Variants in LRRC2 observed in about 807,000 individuals in gnomAD.
The protein encoded by LRRC2 is leucine-rich repeat-containing protein 2.
In LRRC2, 27 loss-of-function variants were observed where a neutral mutation model predicts 40.2. The ratio of observed to expected loss-of-function variants is 0.67; its 90% confidence interval spans 0.49 to 0.93. The LOEUF (loss-of-function observed/expected upper bound fraction) is 0.93, where lower values mean the gene tolerates loss of function less well. LRRC2 is among the 40% of genes least tolerant of loss of function. The pLI, the probability that LRRC2 is intolerant of heterozygous loss-of-function variation, is 0.00. For synonymous variants in LRRC2, 147 were observed against 158.9 expected (o/e 0.92, Z 0.56); for missense variants, 402 against 439.6 (o/e 0.91, Z 0.76).
At chr3:46,557,065 C>T (rs1183587162) in intron 1 of LRRC2, among the ~76,000 whole-genome samples, 2 of 152,150 alleles carry the variant, frequency 1.3e-5, no homozygotes, top group African/African-American at 4.8e-5. Flanking sequence ...GGCCTCTGAG[C>T]CCAAGCCAAG....
In LRRC2 at chr3:46,545,159, G is replaced by C. The variant is rs201502772; in HGVS notation, c.220C>G (p.Arg74Gly). 1.2e-6 allele frequency: 2 copies of C among 1,614,094 alleles called. No homozygotes were observed. Among genetic ancestry groups the C allele is most frequent in the South Asian group, 2.2e-5 (2 of 91,082 alleles). ...TTCCTTTCAATCTTGTCCAGAAGCC[G>C]CACGCTGGTGTCTATGAAGCCATTC... The part of the protein sequence containing the change: ...CKNGFIDTSV[R>G]LLDKIERNTL... Residue 74 changes from arginine to glycine, a missense_variant, in exon 3 of 9, where the codon CGG becomes GGG. Transcript: ENST00000395905.
intron 7 of LRRC2, among the ~76,000 whole-genome samples, chr3:46,524,824 A>G (rs1704027580): frequency 6.6e-6 from 1 of 152,128 alleles, no homozygotes; most frequent in South Asian, 2.1e-4. Flanking sequence ...GATATTAACT[A>G]TATATGGCAT....
chr3:46,555,115 C>A (rs763984957), intron 1 of LRRC2, among the ~76,000 whole-genome samples: 3 of 152,032 alleles, frequency 2.0e-5, no homozygotes, highest in Non-Finnish European at 4.4e-5. Flanking sequence ...CGTTAAGTTG[C>A]AATAGTACTT....
intron 1 of LRRC2, among the ~76,000 whole-genome samples, chr3:46,557,208 G>A (rs558712908): frequency 1.3e-3 from 205 of 152,150 alleles, no homozygotes; most frequent in African/African-American, 4.1e-3. Context: ...GTAAATGGCC[G>A]GTCCTTGCCT....
intron 7 of LRRC2, among the ~76,000 whole-genome samples, chr3:46,521,984 T>C (rs1250334375): frequency 6.6e-6 from 1 of 152,224 alleles, no homozygotes; most frequent in Non-Finnish European, 1.5e-5. Context: ...CGTCATGCAA[T>C]GTTTGATGTT....
At position 46,529,949 on chromosome 3, in the gene LRRC2, A is replaced by G; in HGVS notation, c.729T>C (p.Asp243=). The G allele has an allele frequency of 6.2e-7, 1 of 1,614,170 alleles. No homozygotes were observed. Among genetic ancestry groups the G allele is most frequent in the Non-Finnish European group, 8.5e-7 (1 of 1,180,022 alleles). Residue 243 remains aspartate, a synonymous_variant, in exon 6 of 9, where the codon GAT becomes GAC. Transcript: ENST00000395905. ...VLRMSNLQWL[D]ISSNNLTDLP... ...GGTCGGTCAGGTTATTGCTGCTGAT[A>G]TCCAACCACTGCAAATTCGACATCC...
At chr3:46,565,755 G>A (rs1006362411) in intron 1 of LRRC2, among the ~76,000 whole-genome samples, 1 of 152,200 alleles carries the variant, frequency 6.6e-6, no homozygotes, top group Admixed American at 6.5e-5. Flanking sequence ...AGACTTCCCC[G>A]CCAGGGCCAT....
At chr3:46,531,607 C>G (rs961599498) in intron 5 of LRRC2, among the ~76,000 whole-genome samples, 2 of 152,122 alleles carry the variant, frequency 1.3e-5, no homozygotes, top group Non-Finnish European at 1.5e-5. Context: ...TACTTCCAGC[C>G]TTAACATCTG....
intron 8 of LRRC2, among the ~76,000 whole-genome samples, chr3:46,521,076 AT>A (rs1703956080): frequency 6.6e-6 from 1 of 152,134 alleles, no homozygotes; most frequent in Non-Finnish European, 1.5e-5. Context: ...CTATGCGCAA[AT>A]TGGCCATCCT....
chr3:46,557,039 G>A lies in LRRC2; in HGVS notation c.-19-5429C>T, dbSNP rs866425552. Among the ~76,000 whole-genome samples the A allele has an allele frequency of 2.0e-5, 3 of 152,090 alleles. No homozygotes were observed. In the South Asian group the frequency reaches 6.2e-4, roughly 31 times the overall value. ...CTCTTCTATTTTTTGTTTCAGATTGGTAATGCCCAGTGTCAGGCCTCTGAG... is the reference window on the plus strand; with the variant it reads ...CTCTTCTATTTTTTGTTTCAGATTGATAATGCCCAGTGTCAGGCCTCTGAG... On this transcript the variant is annotated intron_variant, in intron 1 of 8. Transcript: ENST00000395905.
At chr3:46,559,711 G>C (rs1393353241) in intron 1 of LRRC2, 2 of 152,094 alleles carry the variant, frequency 1.3e-5, no homozygotes, top group African/African-American at 4.8e-5. Context: ...AATCATCTTT[G>C]ATAAATTCCT....
chr3:46,542,551 C>T (rs937645986), intron 3 of LRRC2, among the ~76,000 whole-genome samples: 2 of 150,966 alleles, frequency 1.3e-5, no homozygotes, highest in African/African-American at 4.9e-5. Flanking sequence ...AAGATTGATC[C>T]CAAGATAGCT....
intron 2 of LRRC2, among the ~76,000 whole-genome samples, chr3:46,547,674 A>AT (rs1575356803): frequency 8.0e-6 from 1 of 124,610 alleles, no homozygotes; most frequent in East Asian, 2.4e-4. Flanking sequence ...ACAAGAAAAA[A>AT]AAAAATATAT....
chr3:46,534,156 TGTGA>T (rs1005193845), intron 4 of LRRC2, among the ~76,000 whole-genome samples: 1 of 152,114 alleles, frequency 6.6e-6, no homozygotes, highest in African/African-American at 2.4e-5. Flanking sequence ...CAACTCCCAC[TGTGA>T]GTGAGAACAT....
At chr3:46,547,706 A>G (rs201425882) in intron 2 of LRRC2, among the ~76,000 whole-genome samples, 1 of 149,892 alleles carries the variant, frequency 6.7e-6, no homozygotes, top group South Asian at 2.1e-4. Flanking sequence ...GTGTGTGTGT[A>G]TGTGTGTGTG....
chr3:46,541,607 C>G (rs998003271), intron 3 of LRRC2, among the ~76,000 whole-genome samples: 1 of 152,184 alleles, frequency 6.6e-6, no homozygotes, highest in Non-Finnish European at 1.5e-5. Context: ...CAATCTTAGA[C>G]TAGCAGCAGA....
At chr3:46,525,410 C>T (rs1484010217) in intron 7 of LRRC2, among the ~76,000 whole-genome samples, 1 of 151,952 alleles carries the variant, frequency 6.6e-6, no homozygotes, top group Non-Finnish European at 1.5e-5. Context: ...ATCACCATGC[C>T]TGGCTAATTT....
Position 46,518,841 on chromosome 3 carries a change from G to T in LRRC2, c.*173C>A. On this transcript the variant is annotated 3_prime_UTR_variant, in exon 9 of 9. Coordinates refer to ENST00000395905, the MANE Select transcript of LRRC2 (RefSeq NM_024512.5). ...CCAATTTTTCAATTCTCCAGTCCATGGAGGGAGATACTCATGTATTTGACA... is the reference window on the plus strand; with the variant it reads ...CCAATTTTTCAATTCTCCAGTCCATTGAGGGAGATACTCATGTATTTGACA... The T allele has an allele frequency of 1.8e-6, 1 of 562,620 alleles. No homozygotes were observed. 34.9% of individuals were successfully genotyped at this position (562,620 alleles called of 1,614,324 possible). A position where few individuals can be genotyped will look rare whatever the true frequency, so the allele number is the denominator to read the frequency against.
intron 1 of LRRC2, among the ~76,000 whole-genome samples, chr3:46,564,466 T>G (rs1366152183): frequency 6.6e-6 from 1 of 152,108 alleles, no homozygotes; most frequent in Non-Finnish European, 1.5e-5. Context: ...CTTGTCAAAT[T>G]ACACTGGGTT....
Sources: allele counts gnomAD v4.1 joint callset (sites outside exome capture counted in the v4.1 genomes callset), GRCh38; gene constraint gnomAD v4.1.1; transcripts MANE v1.5; gene names NCBI Gene and HGNC (gene_info 2026-07-23, HGNC 2026-07-21).